Variants in GGT1 observed in about 807,000 individuals in gnomAD.
GGT1 encodes the protein gamma-glutamyltransferase 1, also known as glutathione hydrolase 1 proenzyme.
In GGT1, 21 loss-of-function variants were observed where a neutral mutation model predicts 56.0. That is an observed-to-expected ratio of 0.38 (90% CI 0.27 to 0.54). The LOEUF is 0.54. Ranked by LOEUF, GGT1 falls within the 20% of genes least tolerant of loss-of-function variation. The pLI is 0.82. For missense variants in GGT1, 466 were observed against 787.0 expected (o/e 0.59, Z 4.88); for synonymous variants, 238 against 342.6 (o/e 0.69, Z 3.37).
chr22:24,614,727 C>T, intron 5 of GGT1, 49 bp from the exon 6 acceptor site: 3 of 1,594,964 alleles, frequency 1.9e-6, no homozygotes, highest in South Asian at 1.1e-5. Context: ...GTATGCGGGG[C>T]CAGGGTGGAA....
intron 11 of GGT1, chr22:24,624,813 T>G (rs922984106): frequency 3.5e-5 from 6 of 171,642 alleles, no homozygotes; most frequent in Non-Finnish European, 7.0e-5. Context: ...CCTTTGCTCC[T>G]CTTAGAGCAA....
At chr22:24,599,816 G>A (rs1601613134), upstream of GGT1, among the ~76,000 whole-genome samples, 1 of 152,136 alleles carries the variant, frequency 6.6e-6, no homozygotes, top group Non-Finnish European at 1.5e-5. Flanking sequence ...GAGGCAGGGG[G>A]AGGTCCCCAA....
At chr22:24,592,926 G>T, upstream of GGT1, 2 of 1,252,148 alleles carry the variant, frequency 1.6e-6, no homozygotes, top group South Asian at 2.7e-5. Context: ...GCGTGGACTG[G>T]ATCTCGCGGA....
At chr22:24,616,841 G>A (rs1214745872) in intron 7 of GGT1, among the ~76,000 whole-genome samples, 8 of 152,008 alleles carry the variant, frequency 5.3e-5, no homozygotes, top group Admixed American at 1.3e-4. Context: ...CACTGTGCCC[G>A]ATCAATCTTT....
chr22:24,602,456 T>A (rs2045799019), upstream of GGT1, among the ~76,000 whole-genome samples: 1 of 152,346 alleles, frequency 6.6e-6, no homozygotes, highest in African/African-American at 2.4e-5. Context: ...ACTGGCAGGC[T>A]GCAGACCATG....
chr22:24,591,774 G>T (rs2045574524), upstream of GGT1, among the ~76,000 whole-genome samples: 1 of 152,264 alleles, frequency 6.6e-6, no homozygotes, highest in African/African-American at 2.4e-5. Context: ...TGCCAGCTAG[G>T]GAAGATCCAG....
In GGT1 at chr22:24,620,261, G is replaced by C; in HGVS notation, c.383-67G>C. On this transcript the variant is annotated intron_variant, in intron 7 of 15. Coordinates refer to ENST00000400382, the MANE Select transcript of GGT1 (RefSeq NM_001288833.2). This position sits in a 1 kb window ranked among gnomAD's most constrained non-coding sequence, Gnocchi z 5.6. ...AAAATGAGTCAGGGACTGTGCCTGGGATGCTGCCTGCGAGAGATCCCGATG... is the reference window on the plus strand; with the variant it reads ...AAAATGAGTCAGGGACTGTGCCTGGCATGCTGCCTGCGAGAGATCCCGATG... 6.5e-7 allele frequency: 1 copy of C among 1,548,350 alleles called. No homozygotes were observed. The highest frequency in any genetic ancestry group is 1.2e-5 in the South Asian group (1 of 85,724).
rs2046957367 is a variant in GGT1 at position 24,614,799 on chromosome 22, C to G, written c.188C>G (p.Ser63Cys). 6.2e-7 allele frequency: 1 copy of G among 1,613,524 alleles called. No homozygotes were observed. Among genetic ancestry groups the G allele is most frequent in the Non-Finnish European group, 8.5e-7 (1 of 1,179,790 alleles). ...IGRDALRDGG[S>C]AVDAAIAALL... is the part of the protein sequence containing the mutation. Reference sequence around the variant, plus strand: ...AGGGATGCACTGCGGGACGGTGGCTCTGCGGTGGATGCAGCCATTGCAGCC... The same window carrying G: ...AGGGATGCACTGCGGGACGGTGGCTGTGCGGTGGATGCAGCCATTGCAGCC... The change falls in exon 6 of 16, where the codon TCT becomes TGT. Residue 63 changes from serine to cysteine, a missense_variant. Physicochemically the swap from Ser to Cys is moderately radical, Grantham distance 112. This residue lies in a region of GGT1 where 456 missense variants were observed against 716.7 expected (regional missense o/e 0.64). Transcript: ENST00000400382.
chr22:24,607,291 G>T (rs3876101), intron 1 of GGT1, among the ~76,000 whole-genome samples: 1 of 150,210 alleles, frequency 6.7e-6, no homozygotes, highest in Admixed American at 6.7e-5. Context: ...GGCCCCTTAG[G>T]CTGGGTTCTG....
chr22:24,595,496 T>G (rs1185995807), intron 1 of GGT1, among the ~76,000 whole-genome samples: 1 of 152,214 alleles, frequency 6.6e-6, no homozygotes, highest in Non-Finnish European at 1.5e-5. Flanking sequence ...GATTGCGATG[T>G]TGTCCTCTCA....
chr22:24,608,746 CT>C (rs1265894013), intron 2 of GGT1, among the ~76,000 whole-genome samples: 1 of 152,228 alleles, frequency 6.6e-6, no homozygotes, highest in Admixed American at 6.5e-5. Flanking sequence ...CAACCTCCAC[CT>C]CCTGGGTTCA....
intron 1 of GGT1, among the ~76,000 whole-genome samples, chr22:24,596,240 A>G (rs1238547406): frequency 3.3e-5 from 5 of 152,240 alleles, no homozygotes; most frequent in Non-Finnish European, 7.3e-5. Context: ...AATTACCACA[A>G]ACTCAGTGGC....
At chr22:24,606,232 C>G in intron 1 of GGT1, among the ~76,000 whole-genome samples, 1 of 149,122 alleles carries the variant, frequency 6.7e-6, no homozygotes, top group African/African-American at 2.5e-5. Flanking sequence ...TGGTGTGCTG[C>G]ACCCATTAAC....
At chr22:24,600,174 G>T (rs1028038687), upstream of GGT1, among the ~76,000 whole-genome samples, 1 of 152,222 alleles carries the variant, frequency 6.6e-6, no homozygotes, top group Non-Finnish European at 1.5e-5. Context: ...TCAGGAAAGG[G>T]GAGAAGCTCC....
At position 24,628,257 on chromosome 22, in the gene GGT1, C is replaced by G. The variant is rs1480618425; in HGVS notation, c.1450-18C>G. The G allele has an allele frequency of 6.2e-7, 1 of 1,611,894 alleles. No individual in the cohort carries two copies. Among genetic ancestry groups the G allele is most frequent in the East Asian group, 2.2e-5 (1 of 44,900 alleles). On this transcript the variant is annotated intron_variant, in intron 14 of 15. Transcript: ENST00000400382. The surrounding 1 kb of genome is among the most constrained non-coding windows in gnomAD (Gnocchi z 5.7). ...TGCACAGCCCCCAAGCCATGCTGATCACACTCCCATGCCCCAGGCCATCAT... is the reference window on the plus strand; with the variant it reads ...TGCACAGCCCCCAAGCCATGCTGATGACACTCCCATGCCCCAGGCCATCAT...
At chr22:24,588,600 C>A in the GGT1 span, 1 of 978,504 alleles carries the variant, frequency 1.0e-6, no homozygotes, top group Non-Finnish European at 1.4e-6. Flanking sequence ...GCCCTTGTTC[C>A]CTGTCCTCGG....
At chr22:24,613,130 C>T (rs945027489) in intron 5 of GGT1, among the ~76,000 whole-genome samples, 1 of 152,182 alleles carries the variant, frequency 6.6e-6, no homozygotes, top group African/African-American at 2.4e-5. Flanking sequence ...GGCTGGAGTG[C>T]AGTGGCATGA....
At chr22:24,625,346 T>A (rs1367092998) in intron 11 of GGT1, among the ~76,000 whole-genome samples, 1 of 152,156 alleles carries the variant, frequency 6.6e-6, no homozygotes. Flanking sequence ...TGATCTTGGC[T>A]CACTGCAGCC....
chr22:24,606,981 C>A (rs140300601), intron 1 of GGT1, among the ~76,000 whole-genome samples: 2,632 of 100,304 alleles, frequency 0.026, no homozygotes, highest in Middle Eastern at 0.032. Flanking sequence ...GAATGGGCAG[C>A]ACTGTCCAAA....
Sources: gnomAD v4.1 joint callset for allele counts (sites outside exome capture counted in the v4.1 genomes callset) on GRCh38, gnomAD v4.1.1 for gene constraint, gnomAD v4.1.1 regional missense constraint, Gnocchi (gnomAD v3.1) non-coding constraint, MANE v1.5 for transcripts, NCBI Gene and HGNC (gene_info 2026-07-23, HGNC 2026-07-21) for gene names.